The following ANKS1B variants were observed in gnomAD, a reference collection of about 807,000 sequenced individuals.
ANKS1B encodes ankyrin repeat and sterile alpha motif domain-containing protein 1B.
In ANKS1B, 36 loss-of-function variants were observed where a neutral mutation model predicts 148.3. That is an observed-to-expected ratio of 0.24 (90% CI 0.19 to 0.32). The LOEUF (loss-of-function observed/expected upper bound fraction) is 0.32. Ranked by LOEUF, ANKS1B falls within the 10% of genes least tolerant of loss-of-function variation. The pLI is 1.00. For missense variants in ANKS1B, 1,157 were observed against 1,542.6 expected (o/e 0.75, Z 4.19); for synonymous variants, 542 against 560.8 (o/e 0.97, Z 0.47).
intron 8 of ANKS1B, among the ~76,000 whole-genome samples, chr12:99,700,512 C>T (rs186830400): frequency 7.6e-4 from 115 of 152,232 alleles, no homozygotes; most frequent in Non-Finnish European, 1.2e-3. Flanking sequence ...AAAGCGAGCA[C>T]GAATTTTTTT....
At chr12:98,741,375 T>C (rs1018940777), downstream of ANKS1B, among the ~76,000 whole-genome samples, 2 of 152,224 alleles carry the variant, frequency 1.3e-5, no homozygotes, top group Non-Finnish European at 2.9e-5. Context: ...AAGTGATGCA[T>C]AGACCACACC....
At chr12:99,938,384 A>G (rs1047161534) in intron 1 of ANKS1B, among the ~76,000 whole-genome samples, 3 of 152,174 alleles carry the variant, frequency 2.0e-5, no homozygotes, top group Non-Finnish European at 4.4e-5. Context: ...AGTACTGGCA[A>G]ATATGTTGAT....
chr12:99,050,520 G>A (rs1208146029), intron 17 of ANKS1B, among the ~76,000 whole-genome samples: 1 of 152,042 alleles, frequency 6.6e-6, no homozygotes, highest in Non-Finnish European at 1.5e-5. Context: ...GTTAGTGGTA[G>A]ACACAGATGG....
At chr12:99,608,609 C>A (rs1038730224) in intron 9 of ANKS1B, among the ~76,000 whole-genome samples, 16 of 151,940 alleles carry the variant, frequency 1.1e-4, no homozygotes, top group African/African-American at 3.9e-4. Flanking sequence ...CTTGGTACCC[C>A]AAATGCCAAA....
intron 17 of ANKS1B, among the ~76,000 whole-genome samples, chr12:98,967,308 T>C (rs2153184846): frequency 6.6e-6 from 1 of 152,252 alleles, no homozygotes; most frequent in African/African-American, 2.4e-5. Context: ...TTTGGACCAC[T>C]TTCTTCCTGG....
At chr12:99,721,477 G>A (rs2058077879) in intron 8 of ANKS1B, among the ~76,000 whole-genome samples, 1 of 152,056 alleles carries the variant, frequency 6.6e-6, no homozygotes, top group Non-Finnish European at 1.5e-5. Flanking sequence ...ACATTGTCTT[G>A]TGAAATTCCT....
chr12:98,952,350 G>A (rs967803990), intron 17 of ANKS1B, among the ~76,000 whole-genome samples: 8 of 152,332 alleles, frequency 5.3e-5, no homozygotes, highest in South Asian at 2.1e-4. Flanking sequence ...TTAGCAGAGC[G>A]TAGCATTGAC....
intron 10 of ANKS1B, among the ~76,000 whole-genome samples, chr12:99,465,380 T>C (rs2152877537): frequency 6.6e-6 from 1 of 152,244 alleles, no homozygotes; most frequent in South Asian, 2.1e-4. Context: ...AGAAACTGCA[T>C]CAACTAACGA....
At chr12:99,118,625 C>T (rs1367226292) in intron 15 of ANKS1B, among the ~76,000 whole-genome samples, 1 of 152,114 alleles carries the variant, frequency 6.6e-6, no homozygotes, top group African/African-American at 2.4e-5. Context: ...AGCCCACCCA[C>T]CCACCAGACT....
chr12:99,540,490 A>C (rs367769618), intron 9 of ANKS1B, among the ~76,000 whole-genome samples: 7 of 152,310 alleles, frequency 4.6e-5, no homozygotes, highest in African/African-American at 1.7e-4. Context: ...ATAATAGAAA[A>C]AAATTAGAAA....
chr12:99,094,281 C>T (rs1417310364), intron 15 of ANKS1B, among the ~76,000 whole-genome samples: 5 of 152,126 alleles, frequency 3.3e-5, no homozygotes, highest in Non-Finnish European at 7.3e-5. Context: ...TTACTATATA[C>T]CAAGTATTTA....
intron 20 of ANKS1B, among the ~76,000 whole-genome samples, chr12:98,806,611 C>T (rs927303118): frequency 6.6e-6 from 1 of 152,124 alleles, no homozygotes; most frequent in African/African-American, 2.4e-5. Flanking sequence ...ATACACAGCT[C>T]TATGCTTATA....
chr12:99,977,440 C>A (rs1229906312), intron 1 of ANKS1B, among the ~76,000 whole-genome samples: 1 of 152,196 alleles, frequency 6.6e-6, no homozygotes, highest in Admixed American at 6.5e-5. Flanking sequence ...TGAGCCACCA[C>A]GTCCAGACAG....
At position 99,127,530 on chromosome 12, in the gene ANKS1B, T is replaced by C. The variant is rs2064767413; in HGVS notation, c.2526+26759A>G. Among the ~76,000 whole-genome samples, 10 of 152,294 alleles carry C rather than the reference T, an allele frequency of 6.6e-5. No homozygotes were observed. The South Asian group carries it at 2.1e-3, about 32-fold the overall frequency. On this transcript the variant is annotated intron_variant, in intron 15 of 26. Transcript: ENST00000683438. ...TGTATCCAGTGAAAACTTATAAAAG[T>C]GTAATGTTCGCTTTAAACACAATAC... is the stretch of plus-strand genomic sequence containing the variant.
intron 8 of ANKS1B, among the ~76,000 whole-genome samples, chr12:99,749,141 G>A (rs1488096914): frequency 6.6e-6 from 1 of 152,068 alleles, no homozygotes; most frequent in Non-Finnish European, 1.5e-5. Flanking sequence ...TTCAAGTAGG[G>A]CTGGCCCTAC....
At chr12:98,893,352 G>A (rs2099756685) in intron 17 of ANKS1B, among the ~76,000 whole-genome samples, 1 of 152,044 alleles carries the variant, frequency 6.6e-6, no homozygotes, top group African/African-American at 2.4e-5. Context: ...AGATACCAGC[G>A]GCATCCCCTT....
At chr12:99,800,346 T>C (rs1312468652) in intron 4 of ANKS1B, among the ~76,000 whole-genome samples, 1 of 150,372 alleles carries the variant, frequency 6.7e-6, no homozygotes, top group Non-Finnish European at 1.5e-5. Context: ...TTGGACTTTG[T>C]AGCCTCCAGA....
At position 99,929,178 on chromosome 12, in the gene ANKS1B, T is replaced by C. The variant is rs973584395; in HGVS notation, c.134+54926A>G. 2.0e-5 allele frequency among the ~76,000 whole-genome samples: 3 copies of C among 152,300 alleles called. No homozygotes were observed. In the East Asian group the frequency reaches 5.8e-4, roughly 29 times the overall value. The stretch of plus-strand genomic sequence containing the variant: ...TCTTATATAAGTGAAAAACCTCTTA[T>C]CCTATTGCAATGTTCTCAATCTCAT... On this transcript the variant is annotated intron_variant, in intron 1 of 26. Coordinates refer to ENST00000683438, the MANE Select transcript of ANKS1B (RefSeq NM_001352186.2).
rs760213883 is a variant in ANKS1B, at chr12:99,747,729, C to T, written c.1128+25193G>A. ...CGTGATGTTGGTTGGAAATTTCTCA[C>T]GCCTAGAATGCTCTCCTTTCTCTCC... is the stretch of plus-strand genomic sequence containing the variant. On this transcript the variant is annotated intron_variant, in intron 8 of 26. Transcript: ENST00000683438. 5.9e-5 allele frequency among the ~76,000 whole-genome samples: 9 copies of T among 152,208 alleles called. No individual in the cohort carries two copies. In the South Asian group the frequency reaches 6.2e-4, roughly 11 times the overall value.
Sources: allele counts gnomAD v4.1 joint callset (sites outside exome capture counted in the v4.1 genomes callset), GRCh38; gene constraint gnomAD v4.1.1; transcripts MANE v1.5; gene names NCBI Gene and HGNC (gene_info 2026-07-23, HGNC 2026-07-21).